IVL: variants seen among roughly 807,000 people sequenced by gnomAD.
IVL encodes involucrin.
For synonymous variants in IVL, 257 were observed against 271.0 expected, an observed-to-expected ratio of 0.95 and a Z score of 0.51; for missense variants, 722 against 624.9, an observed-to-expected ratio of 1.16 and a Z score of -1.66.
Position 152,910,143 on chromosome 1 carries a change from G to C in IVL, c.346G>C (p.Asp116His), listed in dbSNP as rs374105739. ...GCTTAAGCAGGAGAAAACACAAAGG[G>C]ATCAGCAGCTAAACAAACAGCTGGA... is the stretch of plus-strand genomic sequence containing the variant. Reference protein sequence around the residue: ...QQLKQEKTQRDQQLNKQLEEE... With the variant: ...QQLKQEKTQRHQQLNKQLEEE... The change falls in exon 2 of 2, where the codon GAT (aspartate) becomes CAT (histidine). Residue 116 changes from aspartate (D) to histidine (H), a missense_variant. Coordinates refer to ENST00000368764, the MANE Select transcript of IVL (RefSeq NM_005547.4). 1.2e-6 allele frequency: 2 copies of C among 1,613,996 alleles called. No individual in the cohort carries two copies. The highest frequency in any genetic ancestry group is 1.7e-6 in the Non-Finnish European group (2 of 1,180,002).
In IVL at chr1:152,911,371, A is replaced by C. The variant is rs775102018; in HGVS notation, c.1574A>C (p.Gln525Pro). 4 of 1,611,968 alleles carry C rather than the reference A, an allele frequency of 2.5e-6. No homozygotes were observed. In the Admixed American group the frequency reaches 6.7e-5, roughly 27 times the overall value. The change falls in exon 2 of 2, where the codon CAG becomes CCG. Residue 525 changes from glutamine to proline, a missense_variant. Transcript: ENST00000368764. ...QQDGQLKHLE[Q>P]QEGQLKDLEQ... The stretch of plus-strand genomic sequence containing the variant: ...GACGGACAACTAAAACATCTGGAGC[A>C]GCAGGAGGGGCAGCTGAAGGACCTG...
chr1:152,909,885 C>T lies in IVL; in HGVS notation c.88C>T (p.His30Tyr). ...GACTGTTCCTCCTCCAGTCAATACC[C>T]ATCAGGAGCAAATGAAACAGCCAAC... ...LKTVPPPVNT[H>Y]QEQMKQPTPL... Residue 30 changes from histidine (H) to tyrosine (Y), a missense_variant, in exon 2 of 2, where the codon CAT (histidine) becomes TAT (tyrosine). By Grantham distance (83) the His-to-Tyr change is moderately conservative. Transcript: ENST00000368764. The T allele has an allele frequency of 6.2e-7, 1 of 1,614,152 alleles. No homozygotes were observed. The highest frequency in any genetic ancestry group is 8.5e-7 in the Non-Finnish European group (1 of 1,180,020).
rs1649910688 is a variant in IVL at position 152,910,306 on chromosome 1, AG to A, written c.512del (p.Gly171AspfsTer3). The A allele has an allele frequency of 6.3e-7, 1 of 1,593,998 alleles. No individual in the cohort carries two copies. The highest frequency in any genetic ancestry group is 8.6e-7 in the Non-Finnish European group (1 of 1,166,442). On this transcript the variant is annotated frameshift_variant, in exon 2 of 2. Coordinates refer to ENST00000368764, the MANE Select transcript of IVL (RefSeq NM_005547.4). LOFTEE classifies it low-confidence loss of function (END_TRUNC). ...CACCTGAAGCACCTAGAGCAGCAGG[AG>A]GGACAGCTGAAGCACCCGGAGCAGC... ...EGHLKHLEQQ[E>X]GQLKHPEQQE...
Position 152,911,258 on chromosome 1 carries a change from G to T in IVL, c.1461G>T (p.Glu487Asp). 1 of 1,555,762 alleles carries T rather than the reference G, an allele frequency of 6.4e-7. No homozygotes were observed. The highest frequency in any genetic ancestry group is 8.7e-7 in the Non-Finnish European group (1 of 1,149,744). Residue 487 changes from glutamate to aspartate, a missense_variant, in exon 2 of 2, where the codon GAG (glutamate) becomes GAT (aspartate). By Grantham distance (45) the Glu-to-Asp change is conservative. Coordinates refer to ENST00000368764, the MANE Select transcript of IVL (RefSeq NM_005547.4). ...AGGTGAAGCACCTGGAGAAGCAGGA[G>T]GCACAGCTGGAGCTCCCAGAGCAGC... ...EGQVKHLEKQ[E>D]AQLELPEQQV...
chr1:152,911,303 C>A lies in IVL; in HGVS notation c.1506C>A (p.His502Gln), dbSNP rs925233325. ...LPEQQVGQPK[H>Q]LEQQEKHLEH... is the part of the protein sequence containing the mutation. ...AGCAGCAGGTAGGACAGCCAAAGCACCTGGAACAGCAGGAAAAGCACCTAG... is the reference window on the plus strand; with the variant it reads ...AGCAGCAGGTAGGACAGCCAAAGCAACTGGAACAGCAGGAAAAGCACCTAG... Residue 502 changes from histidine to glutamine, a missense_variant, in exon 2 of 2, where the codon CAC becomes CAA. By Grantham distance (24) the His-to-Gln change is conservative. Coordinates refer to ENST00000368764, the MANE Select transcript of IVL (RefSeq NM_005547.4). 2 of 1,569,736 alleles carry A rather than the reference C, an allele frequency of 1.3e-6. No homozygotes were observed. Among genetic ancestry groups the A allele is most frequent in the Admixed American group, 1.9e-5 (1 of 51,572 alleles).
In IVL at chr1:152,911,193, G is replaced by C. The variant is rs1201610753; in HGVS notation, c.1396G>C (p.Glu466Gln). ...QVGQPKNLEQ[E>Q]EKQLELPEQQ... ...GGGGCAGCCAAAGAACCTGGAGCAG[G>C]AGGAGAAGCAACTGGAGCTCCCAGA... The change falls in exon 2 of 2, where the codon GAG becomes CAG. Residue 466 changes from glutamate to glutamine, a missense_variant. Glu to Gln is a conservative substitution (Grantham distance 29). Coordinates refer to ENST00000368764, the MANE Select transcript of IVL (RefSeq NM_005547.4). The C allele has an allele frequency of 8.3e-6, 13 of 1,557,590 alleles. No homozygotes were observed. The African/African-American group carries it at 1.7e-4, about 20-fold the overall frequency.
Position 152,909,910 on chromosome 1 carries a change from C to A in IVL, c.113C>A (p.Thr38Asn). 1 of 1,614,220 alleles carries A rather than the reference C, an allele frequency of 6.2e-7. No homozygotes were observed. Among genetic ancestry groups the A allele is most frequent in the South Asian group, 1.1e-5 (1 of 91,088 alleles). The change falls in exon 2 of 2, where the codon ACT becomes AAT. Residue 38 changes from threonine to asparagine, a missense_variant. Transcript: ENST00000368764. ...CATCAGGAGCAAATGAAACAGCCAA[C>A]TCCACTGCCTCCCCCATGCCAGAAG... ...NTHQEQMKQP[T>N]PLPPPCQKVP...
rs775208453 is a variant in IVL at position 152,909,807 on chromosome 1, C to A, written c.10C>A (p.Gln4Lys). The A allele has an allele frequency of 6.2e-7, 1 of 1,611,834 alleles. No individual in the cohort carries two copies. ...GACAGTAGCTTCTAAGATGTCCCAG[C>A]AACACACACTGCCAGTGACCCTCTC... MSQ[Q>K]HTLPVTLSPA... Residue 4 changes from glutamine (Q) to lysine (K), a missense_variant, in exon 2 of 2, where the codon CAA (glutamine) becomes AAA (lysine). By Grantham distance (53) the Gln-to-Lys change is moderately conservative. Coordinates refer to ENST00000368764, the MANE Select transcript of IVL (RefSeq NM_005547.4).
At position 152,909,817 on chromosome 1, in the gene IVL, T is replaced by G; in HGVS notation, c.20T>G (p.Leu7Arg). The G allele has an allele frequency of 6.2e-7, 1 of 1,613,118 alleles. No homozygotes were observed. ...TCTAAGATGTCCCAGCAACACACAC[T>G]GCCAGTGACCCTCTCCCCTGCCCTC... Reference protein sequence around the residue: MSQQHTLPVTLSPALSQ... With the variant: MSQQHTRPVTLSPALSQ... The change falls in exon 2 of 2, where the codon CTG becomes CGG. Residue 7 changes from leucine to arginine, a missense_variant. Transcript: ENST00000368764.
In IVL at chr1:152,909,288, T is replaced by C. The variant is rs372928921; in HGVS notation, c.-19-491T>C. Among the ~76,000 whole-genome samples, 14 of 152,332 alleles carry C rather than the reference T, an allele frequency of 9.2e-5. No individual in the cohort carries two copies. In the East Asian group the frequency reaches 1.7e-3, roughly 19 times the overall value. ...GGAGATTCAGGCCTAGAGCATGTCCTGTGGCTCCAGTCTGGAGGTCACACC... is the reference window on the plus strand; with the variant it reads ...GGAGATTCAGGCCTAGAGCATGTCCCGTGGCTCCAGTCTGGAGGTCACACC... On this transcript the variant is annotated intron_variant, in intron 1 of 1. Coordinates refer to ENST00000368764, the MANE Select transcript of IVL (RefSeq NM_005547.4).
In IVL at chr1:152,911,167, TG is replaced by T. The variant is rs1236797171; in HGVS notation, c.1374del (p.Gln459SerfsTer22). On this transcript the variant is annotated frameshift_variant, in exon 2 of 2. Transcript: ENST00000368764. LOFTEE classifies it low-confidence loss of function (END_TRUNC). ...CAGTTGGAGGTCCCAGAGCAGCAGGTGGGGCAGCCAAAGAACCTGGAGCAGG... is the reference window on the plus strand; with the variant it reads ...CAGTTGGAGGTCCCAGAGCAGCAGGTGGGCAGCCAAAGAACCTGGAGCAGG... The part of the protein sequence containing the change: ...QGQLEVPEQQ[V>X]GQPKNLEQEE... 6.4e-7 allele frequency: 1 copy of T among 1,551,448 alleles called. No homozygotes were observed. Among genetic ancestry groups the T allele is most frequent in the Non-Finnish European group, 8.7e-7 (1 of 1,149,062 alleles).
Position 152,909,773 on chromosome 1 carries a change from T to C in IVL, c.-19-6T>C. 6.3e-7 allele frequency: 1 copy of C among 1,594,380 alleles called. No homozygotes were observed. The highest frequency in any genetic ancestry group is 8.6e-7 in the Non-Finnish European group (1 of 1,169,496). On this transcript the variant is annotated splice_region_variant and splice_polypyrimidine_tract_variant and intron_variant, in intron 1 of 1. Coordinates refer to ENST00000368764, the MANE Select transcript of IVL (RefSeq NM_005547.4). ...GCCTGTGCATCAGACCTCTTCTGTC[T>C]TTCAGGTTGACAGTAGCTTCTAAGA...
At position 152,910,928 on chromosome 1, in the gene IVL, G is replaced by A. The variant is rs543718722; in HGVS notation, c.1131G>A (p.Glu377=). 6.5e-7 allele frequency: 1 copy of A among 1,550,348 alleles called. No homozygotes were observed. The highest frequency in any genetic ancestry group is 8.7e-7 in the Non-Finnish European group (1 of 1,146,774). Residue 377 remains glutamate, a synonymous_variant, in exon 2 of 2, where the codon GAG becomes GAA. Transcript: ENST00000368764. ...EQQVLQLKQL[E]KQQGQPKHLE... is the part of the protein sequence containing the mutation. ...AGGTGCTGCAGCTGAAGCAGCTAGA[G>A]AAGCAGCAGGGGCAGCCAAAGCACC...
rs373177327 is a variant in IVL at position 152,909,969 on chromosome 1, A to G, written c.172A>G (p.Lys58Glu). ...PVELPVEVPS[K>E]QEEKHMTAVK... ...CGAGCTCCCAGTGGAGGTCCCATCA[A>G]AGCAAGAGGAAAAGCACATGACTGC... is the stretch of plus-strand genomic sequence containing the variant. Residue 58 changes from lysine (K) to glutamate (E), a missense_variant, in exon 2 of 2, where the codon AAG (lysine) becomes GAG (glutamate). Coordinates refer to ENST00000368764, the MANE Select transcript of IVL (RefSeq NM_005547.4). 1 of 1,614,018 alleles carries G rather than the reference A, an allele frequency of 6.2e-7. No homozygotes were observed. Among genetic ancestry groups the G allele is most frequent in the Non-Finnish European group, 8.5e-7 (1 of 1,180,022 alleles).
rs201867512 is a variant in IVL at position 152,911,501 on chromosome 1, T to C, written c.1704T>C (p.Pro568=). 2.5e-5 allele frequency: 40 copies of C among 1,613,980 alleles called. No homozygotes were observed. Among genetic ancestry groups the C allele is most frequent in the East Asian group, 1.6e-4 (7 of 44,878 alleles). Residue 568 remains proline, a synonymous_variant, in exon 2 of 2, where the codon CCT becomes CCC. Transcript: ENST00000368764. The part of the protein sequence containing the change: ...ALPTKGEVLL[P]VEHQQQKQEV... Reference sequence around the variant, plus strand: ...CCACAAAGGGAGAAGTATTGCTTCCTGTAGAGCACCAGCAGCAGAAGCAGG... The same window carrying C: ...CCACAAAGGGAGAAGTATTGCTTCCCGTAGAGCACCAGCAGCAGAAGCAGG...
rs947955569 is a variant in IVL, at chr1:152,911,329, A to G, written c.1532A>G (p.Glu511Gly). 5.0e-6 allele frequency: 8 copies of G among 1,588,924 alleles called. No individual in the cohort carries two copies. The African/African-American group carries it at 9.4e-5, about 19-fold the overall frequency. ...KHLEQQEKHL[E>G]HPEQQDGQLK... is the part of the protein sequence containing the mutation. ...CTGGAACAGCAGGAAAAGCACCTAGAGCACCCAGAGCAGCAGGACGGACAA... is the reference window on the plus strand; with the variant it reads ...CTGGAACAGCAGGAAAAGCACCTAGGGCACCCAGAGCAGCAGGACGGACAA... Residue 511 changes from glutamate to glycine, a missense_variant, in exon 2 of 2, where the codon GAG becomes GGG. Glu to Gly is a moderately conservative substitution (Grantham distance 98, BLOSUM62 -2). Transcript: ENST00000368764.
chr1:152,909,466 A>G (rs991382986), intron 1 of IVL, among the ~76,000 whole-genome samples: 5 of 152,130 alleles, frequency 3.3e-5, no homozygotes, highest in Non-Finnish European at 7.4e-5. Flanking sequence ...ATGAGGGTGG[A>G]CACAAGGACT....
chr1:152,910,782 C>T lies in IVL; in HGVS notation c.985C>T (p.Gln329Ter). The T allele has an allele frequency of 6.5e-7, 1 of 1,550,350 alleles. No homozygotes were observed. The highest frequency in any genetic ancestry group is 8.7e-7 in the Non-Finnish European group (1 of 1,146,774). The change falls in exon 2 of 2, where the codon CAG (glutamine) becomes TAG (stop). Residue 329 changes from glutamine (Q) to a stop codon, truncating the protein, a stop_gained. Transcript: ENST00000368764. LOFTEE classifies it low-confidence loss of function (END_TRUNC). The stretch of plus-strand genomic sequence containing the variant: ...GGGGCAGCCTAAGCATCTGGAGCAG[C>T]AGGAGGGGCAACTGGAGCAGCTGGA... ...QEGQPKHLEQ[Q>*]EGQLEQLEEQ...
chr1:152,910,020 T>G lies in IVL; in HGVS notation c.223T>G (p.Cys75Gly). The G allele has an allele frequency of 6.2e-7, 1 of 1,614,068 alleles. No homozygotes were observed. Among genetic ancestry groups the G allele is most frequent in the African/African-American group, 1.3e-5 (1 of 74,990 alleles). Residue 75 changes from cysteine (C) to glycine (G), a missense_variant, in exon 2 of 2, where the codon TGT becomes GGT. Transcript: ENST00000368764. ...TAVKGLPEQE[C>G]EQQQKEPQEQ... ...TGTAAAGGGACTGCCTGAGCAAGAA[T>G]GTGAGCAACAGCAGAAGGAGCCACA...
Sources: allele counts gnomAD v4.1 joint callset (sites outside exome capture counted in the v4.1 genomes callset), GRCh38; gene constraint gnomAD v4.1.1; transcripts MANE v1.5; gene names NCBI Gene and HGNC (gene_info 2026-07-23, HGNC 2026-07-21).